The following AGBL1 variants were observed in gnomAD, a reference collection of about 807,000 sequenced individuals.
The protein encoded by AGBL1 is cytosolic carboxypeptidase 4.
A neutral mutation model predicts 118.9 loss-of-function variants in AGBL1; 130 were observed. That is an observed-to-expected ratio of 1.09 (90% CI 0.95 to 1.26). AGBL1 has a LOEUF of 1.26. Ranked by LOEUF, AGBL1 falls within the 50% of genes most tolerant of loss-of-function variation. The probability of loss-of-function intolerance (pLI) is 0.00; values close to 1 mark genes in which losing one functional copy is unlikely to be tolerated. For missense variants in AGBL1, 1,584 were observed against 1,298.1 expected, an observed-to-expected ratio of 1.22 and a Z score of -3.38; for synonymous variants, 555 against 478.9, an observed-to-expected ratio of 1.16 and a Z score of -2.08.
intron 17 of AGBL1, among the ~76,000 whole-genome samples, chr15:86,298,209 C>A: frequency 8.5e-6 from 1 of 117,554 alleles, no homozygotes; most frequent in African/African-American, 3.3e-5. Flanking sequence ...AGCAGGGCTA[C>A]ATAATAAAAA....
chr15:86,303,456 TTTGG>T (rs1214890481), intron 17 of AGBL1, among the ~76,000 whole-genome samples: 1 of 152,072 alleles, frequency 6.6e-6, no homozygotes, highest in East Asian at 1.9e-4. Flanking sequence ...ATATTTCCAC[TTTGG>T]TTGGTGGGTG....
chr15:86,536,725 G>A (rs1724210356), intron 19 of AGBL1, among the ~76,000 whole-genome samples: 1 of 152,136 alleles, frequency 6.6e-6, no homozygotes. Flanking sequence ...GGAGGGGAGG[G>A]GAAAATAGGA....
At chr15:86,336,561 T>G (rs4887434) in intron 17 of AGBL1, among the ~76,000 whole-genome samples, 105,028 of 152,036 alleles carry the variant, frequency 0.69, 37,354 homozygotes, top group Non-Finnish European at 0.78. Flanking sequence ...TTGATTGCCT[T>G]TATTATCCAG....
intron 19 of AGBL1, among the ~76,000 whole-genome samples, chr15:86,535,665 C>A (rs1292086837): frequency 6.6e-6 from 1 of 152,172 alleles, no homozygotes; most frequent in African/African-American, 2.4e-5. Flanking sequence ...TTTTGTCTTT[C>A]TCTGGGGCCC....
intron 23 of AGBL1, among the ~76,000 whole-genome samples, chr15:86,936,229 AGTGTGTATGTATGTGT>A (rs891623741): frequency 4.3e-5 from 6 of 140,546 alleles, no homozygotes; most frequent in Admixed American, 7.0e-5. Flanking sequence ...TGTAAACAGC[AGTGTGTATGTATGTGT>A]GTGTGTGTGT....
chr15:86,496,325 G>A (rs940840320), intron 18 of AGBL1, among the ~76,000 whole-genome samples: 1 of 151,968 alleles, frequency 6.6e-6, no homozygotes, highest in African/African-American at 2.4e-5. Context: ...CAGCCATGTG[G>A]AACTGTGAGT....
intron 22 of AGBL1, among the ~76,000 whole-genome samples, chr15:86,848,435 C>A (rs1596547603): frequency 6.6e-6 from 1 of 152,298 alleles, no homozygotes; most frequent in Admixed American, 6.5e-5. Flanking sequence ...AACTATCATA[C>A]TTTCCTCATT....
At chr15:86,638,047 A>C (rs1191140892) in intron 21 of AGBL1, among the ~76,000 whole-genome samples, 1 of 152,124 alleles carries the variant, frequency 6.6e-6, no homozygotes, top group Non-Finnish European at 1.5e-5. Context: ...CAGGAAAAAA[A>C]ATCCTTTATA....
At chr15:86,982,702 CTGG>C (rs571546593) in intron 23 of AGBL1, among the ~76,000 whole-genome samples, 250 of 152,222 alleles carry the variant, frequency 1.6e-3, no homozygotes, top group Middle Eastern at 3.4e-3. Context: ...TTTTCTCTTT[CTGG>C]TGATTTTTTT....
intron 21 of AGBL1, among the ~76,000 whole-genome samples, chr15:86,642,102 A>G (rs2085200933): frequency 6.6e-6 from 1 of 152,224 alleles, no homozygotes; most frequent in Non-Finnish European, 1.5e-5. Context: ...TCTTTTGGCC[A>G]AAGCAAATCA....
intron 24 of AGBL1, chr15:86,988,325 C>G (rs1328471802): frequency 3.7e-5 from 14 of 375,656 alleles, no homozygotes; most frequent in Non-Finnish European, 5.7e-5. Flanking sequence ...ATGCATAGAA[C>G]TCAGTACTTA....
intron 18 of AGBL1, among the ~76,000 whole-genome samples, chr15:86,443,235 C>G (rs923597556): frequency 2.0e-5 from 3 of 152,182 alleles, no homozygotes; most frequent in African/African-American, 7.2e-5. Context: ...GCTGGGGGTA[C>G]AGTTTGTGCT....
At chr15:86,479,517 A>G (rs943265165) in intron 18 of AGBL1, among the ~76,000 whole-genome samples, 1 of 152,224 alleles carries the variant, frequency 6.6e-6, no homozygotes, top group Non-Finnish European at 1.5e-5. Context: ...ATGCAAATCA[A>G]AACCACAATG....
intron 21 of AGBL1, among the ~76,000 whole-genome samples, chr15:86,581,687 C>A (rs75089324): frequency 0.022 from 3,273 of 152,210 alleles, 46 homozygotes; most frequent in East Asian, 0.048. Flanking sequence ...GAGCAACCCC[C>A]AAATGTTACC....
chr15:86,090,049 G>A (rs567769358), intron 1 of AGBL1, among the ~76,000 whole-genome samples: 1 of 152,254 alleles, frequency 6.6e-6, no homozygotes, highest in South Asian at 2.1e-4. Context: ...AATAGCCTAA[G>A]TATTTTTCCC....
chr15:86,558,802 A>G (rs2083773296), intron 21 of AGBL1, among the ~76,000 whole-genome samples: 1 of 152,168 alleles, frequency 6.6e-6, no homozygotes, highest in South Asian at 2.1e-4. Context: ...CTACAAAACT[A>G]GAGACCGCAG....
chr15:86,917,846 C>G (rs993643000), downstream of AGBL1, among the ~76,000 whole-genome samples: 1 of 148,400 alleles, frequency 6.7e-6, no homozygotes, highest in Non-Finnish European at 1.5e-5. The surrounding 1 kb of genome is among the most constrained non-coding windows in gnomAD (Gnocchi z 4.8). Context: ...CAAAGAGGGC[C>G]TCAGAGAAGT....
intron 5 of AGBL1, among the ~76,000 whole-genome samples, chr15:86,202,524 A>G (rs981963841): frequency 1.3e-5 from 2 of 152,206 alleles, no homozygotes; most frequent in Non-Finnish European, 2.9e-5. Context: ...TGTAAAAACA[A>G]TTGAAATGAG....
chr15:86,355,464 T>G (rs1755161809), intron 17 of AGBL1, among the ~76,000 whole-genome samples: 1 of 152,124 alleles, frequency 6.6e-6, no homozygotes, highest in Admixed American at 6.5e-5. Context: ...AAAAAAGAGA[T>G]TCCATGTGTG....
Sources: gnomAD v4.1 joint callset for allele counts (sites outside exome capture counted in the v4.1 genomes callset) on GRCh38, gnomAD v4.1.1 for gene constraint, Gnocchi (gnomAD v3.1) non-coding constraint, MANE v1.5 for transcripts, NCBI Gene and HGNC (gene_info 2026-07-23, HGNC 2026-07-21) for gene names.